Variants in EXT1 observed in about 807,000 individuals in gnomAD.
EXT1 encodes exostosin-1.
EXT1 carries 20 observed loss-of-function variants against 82.5 expected under a neutral mutation model. The observed-to-expected ratio is 0.24, with a 90% CI of 0.17 to 0.35. The LOEUF (loss-of-function observed/expected upper bound fraction) is 0.35. EXT1 is among the 10% of genes least tolerant of loss of function. EXT1 has a pLI of 1.00. For synonymous variants in EXT1, 348 were observed against 350.8 expected, an observed-to-expected ratio of 0.99 and a Z score of 0.09; for missense variants, 757 against 936.5, an observed-to-expected ratio of 0.81 and a Z score of 2.50.
chr8:117,894,091 T>C (rs971281591), intron 1 of EXT1, among the ~76,000 whole-genome samples: 2 of 152,210 alleles, frequency 1.3e-5, no homozygotes, highest in African/African-American at 2.4e-5. Flanking sequence ...TGTTCAAGTA[T>C]GTTCAGAATT....
chr8:117,998,196 T>G (rs1032805666), intron 1 of EXT1, among the ~76,000 whole-genome samples: 5 of 152,050 alleles, frequency 3.3e-5, no homozygotes, highest in Non-Finnish European at 5.9e-5. Context: ...GTATTTTTAA[T>G]AGAGACGGGA....
In EXT1 at chr8:117,862,294, T is replaced by C. The variant is rs1008255074; in HGVS notation, c.963-25093A>G. ...ACTGAACCAGCCAGGTGGGAAAGAA[T>C]AGGCCCTGCTTCCTGCTCTATAGCC... is the stretch of plus-strand genomic sequence containing the variant. On this transcript the variant is annotated intron_variant, in intron 1 of 10. Transcript: ENST00000378204. Among the ~76,000 whole-genome samples, 33 of 145,788 alleles carry C rather than the reference T, an allele frequency of 2.3e-4. 6 individuals are homozygous for C. Among genetic ancestry groups the C allele is most frequent in the Non-Finnish European group, 4.0e-4 (26 of 64,810 alleles).
intron 1 of EXT1, among the ~76,000 whole-genome samples, chr8:117,978,093 G>A (rs1232387609): frequency 6.6e-6 from 1 of 152,190 alleles, no homozygotes; most frequent in East Asian, 1.9e-4. Flanking sequence ...TCTTCTATCT[G>A]CTCTGTCCCC....
intron 1 of EXT1, among the ~76,000 whole-genome samples, chr8:117,885,031 A>G (rs969245571): frequency 2.0e-5 from 3 of 152,226 alleles, no homozygotes; most frequent in African/African-American, 4.8e-5. Flanking sequence ...AGATGAATCT[A>G]AAAACATAGC....
chr8:118,010,721 G>C (rs1586341595), intron 1 of EXT1, among the ~76,000 whole-genome samples: 1 of 152,190 alleles, frequency 6.6e-6, no homozygotes, highest in Non-Finnish European at 1.5e-5. Context: ...CACTGGCAAC[G>C]GCACGGCCGC....
At chr8:118,093,943 T>C (rs1028748692) in intron 1 of EXT1, among the ~76,000 whole-genome samples, 2 of 152,220 alleles carry the variant, frequency 1.3e-5, no homozygotes, top group Non-Finnish European at 2.9e-5. Context: ...CTTCAAATTG[T>C]TGAAAGTAGA....
chr8:118,067,219 G>T (rs1393883408), intron 1 of EXT1, among the ~76,000 whole-genome samples: 3 of 152,216 alleles, frequency 2.0e-5, no homozygotes. Flanking sequence ...TTGGGGCACT[G>T]GTGCCATACA....
intron 1 of EXT1, among the ~76,000 whole-genome samples, chr8:117,854,974 C>T (rs957732762): frequency 1.3e-5 from 2 of 152,094 alleles, no homozygotes; most frequent in African/African-American, 2.4e-5. Flanking sequence ...TTTTGGTGCC[C>T]ATTGCAATGA....
chr8:117,966,585 T>C lies in EXT1; in HGVS notation c.963-129384A>G, dbSNP rs186684463. ...AAAGCCAGGCTTTTGACTACTCTCATATACTAAGTCTGGCGTATCCCCTCT... is the reference window on the plus strand; with the variant it reads ...AAAGCCAGGCTTTTGACTACTCTCACATACTAAGTCTGGCGTATCCCCTCT... On this transcript the variant is annotated intron_variant, in intron 1 of 10. Transcript: ENST00000378204. 1.5e-4 allele frequency among the ~76,000 whole-genome samples: 23 copies of C among 152,322 alleles called. 1 individual carries two copies. The highest frequency in any genetic ancestry group is 1.4e-3 in the Admixed American group (22 of 15,302).
At chr8:117,860,526 A>T (rs548545199) in intron 1 of EXT1, among the ~76,000 whole-genome samples, 1 of 152,340 alleles carries the variant, frequency 6.6e-6, no homozygotes, top group African/African-American at 2.4e-5. Flanking sequence ...GTGATTCAGT[A>T]TGTCCTTTGT....
intron 1 of EXT1, among the ~76,000 whole-genome samples, chr8:117,853,217 A>G (rs1269276012): frequency 6.6e-6 from 1 of 152,226 alleles, no homozygotes; most frequent in Non-Finnish European, 1.5e-5. Flanking sequence ...AACAAAGGTT[A>G]GGACTCCATG....
chr8:117,977,798 C>G (rs1815100406), intron 1 of EXT1, among the ~76,000 whole-genome samples: 1 of 152,118 alleles, frequency 6.6e-6, no homozygotes, highest in Non-Finnish European at 1.5e-5. Context: ...TACCCATGAC[C>G]AGTGGCCTGG....
rs372483974 is a variant in EXT1 at position 118,051,483 on chromosome 8, T to C, written c.962+58602A>G. Among the ~76,000 whole-genome samples, 21 of 152,286 alleles carry C rather than the reference T, an allele frequency of 1.4e-4. No homozygotes were observed. In the East Asian group the frequency reaches 3.5e-3, roughly 25 times the overall value. ...GCCTTTCAGTTAAACAAAAATTGAA[T>C]AAAGCCAGTTTTAAAAAAGTCACAA... is the stretch of plus-strand genomic sequence containing the variant. On this transcript the variant is annotated intron_variant, in intron 1 of 10. Coordinates refer to ENST00000378204, the MANE Select transcript of EXT1 (RefSeq NM_000127.3).
Position 117,818,503 on chromosome 8 carries a change from G to A in EXT1, c.1564C>T (p.Pro522Ser), listed in dbSNP as rs752889463. ...QIIVLWNCDK[P>S]LPAKHRWPAT... ...GGCCAGCGGTGTTTGGCTGGTAGGG[G>A]CTTGTCACAATTCCATAGAACTATG... The change falls in exon 7 of 11, where the codon CCC becomes TCC. Residue 522 changes from proline (P) to serine (S), a missense_variant. Transcript: ENST00000378204. 4 of 1,614,058 alleles carry A rather than the reference G, an allele frequency of 2.5e-6. No homozygotes were observed. Among genetic ancestry groups the A allele is most frequent in the Non-Finnish European group, 3.4e-6 (4 of 1,179,962 alleles).
chr8:117,896,463 G>A (rs962595541), intron 1 of EXT1, among the ~76,000 whole-genome samples: 1 of 152,154 alleles, frequency 6.6e-6, no homozygotes, highest in East Asian at 1.9e-4. Context: ...TGGAGCAAAA[G>A]GAGGAAGCCA....
chr8:118,006,517 A>G (rs79012743), intron 1 of EXT1, among the ~76,000 whole-genome samples: 1,582 of 152,182 alleles, frequency 0.01, 30 homozygotes, highest in African/African-American at 0.034. Flanking sequence ...TACTCTACCT[A>G]TCTCTAGGAA....
chr8:117,943,709 C>T (rs1033717987), intron 1 of EXT1, among the ~76,000 whole-genome samples: 1 of 152,208 alleles, frequency 6.6e-6, no homozygotes, highest in Non-Finnish European at 1.5e-5. Context: ...ATTGATATTA[C>T]ATGTGTAATA....
chr8:117,833,717 G>A (rs147830452), intron 3 of EXT1, among the ~76,000 whole-genome samples: 136 of 152,238 alleles, frequency 8.9e-4, no homozygotes, highest in Non-Finnish European at 1.6e-3. Flanking sequence ...ATTCATGGGA[G>A]CATTGGTATA....
At chr8:117,973,946 G>A (rs1720813894) in intron 1 of EXT1, among the ~76,000 whole-genome samples, 2 of 145,656 alleles carry the variant, frequency 1.4e-5, no homozygotes, top group African/African-American at 5.1e-5. Flanking sequence ...AGGAAGGAAG[G>A]AAGGAAGGAA....
Sources: gnomAD v4.1 joint callset for allele counts (sites outside exome capture counted in the v4.1 genomes callset) on GRCh38, gnomAD v4.1.1 for gene constraint, MANE v1.5 for transcripts, NCBI Gene and HGNC (gene_info 2026-07-23, HGNC 2026-07-21) for gene names.